ESR2: variants seen among roughly 807,000 people sequenced by gnomAD.
The protein encoded by ESR2 is estrogen receptor 2.
Under a neutral mutation model 49.6 loss-of-function variants are expected in ESR2, and 36 were observed. The ratio of observed to expected loss-of-function variants is 0.73; its 90% CI spans 0.56 to 0.96. The LOEUF (loss-of-function observed/expected upper bound fraction) is 0.96, where lower values mean the gene tolerates loss of function less well. Among genes scored for constraint, ESR2 ranks in the 40% least tolerant of loss-of-function variants. The probability of loss-of-function intolerance (pLI) is 0.00; values close to 1 mark genes in which losing one functional copy is unlikely to be tolerated. For missense variants in ESR2, 714 were observed against 693.0 expected (o/e 1.03, Z -0.34); for synonymous variants, 320 against 266.1 (o/e 1.20, Z -1.97).
chr14:64,234,855 C>G, intron 8 of ESR2, 115 bp downstream of exon 8: 1 of 1,513,040 alleles, frequency 6.6e-7, no homozygotes, highest in African/African-American at 1.4e-5. Context: ...TCCCCATTCC[C>G]TTTCAGGCAT....
In ESR2 at chr14:64,268,827, C is replaced by T. The variant is rs368924653; in HGVS notation, c.620G>A (p.Arg207Gln). The change falls in exon 4 of 9, where the codon CGG (arginine) becomes CAG (glutamine). Residue 207 changes from arginine to glutamine, a missense_variant. Coordinates refer to ENST00000341099, the MANE Select transcript of ESR2 (RefSeq NM_001437.3). ...RRKSCQACRL[R>Q]KCYEVGMVKC... ...CACCATTCCCACTTCGTAACACTTC[C>T]GAAGTCGGCAGGCCTGGCAGCTCTT... is the stretch of plus-strand genomic sequence containing the variant. 4.1e-5 allele frequency: 66 copies of T among 1,613,408 alleles called. 1 individual carries two copies. The highest frequency in any genetic ancestry group is 3.1e-4 in the South Asian group (28 of 91,052).
intron 1 of ESR2, among the ~76,000 whole-genome samples, chr14:64,309,607 C>CAAAAAAAAAAAAAAAAAA (rs545143689): frequency 7.8e-4 from 98 of 125,748 alleles, no homozygotes; most frequent in African/African-American, 1.6e-3. Flanking sequence ...AACTCCATCT[C>CAAAAAAAAAAAAAAAAAA]AAAAAAAAAA....
chr14:64,320,174 T>C (rs1391344768), intron 1 of ESR2, among the ~76,000 whole-genome samples: 1 of 152,158 alleles, frequency 6.6e-6, no homozygotes, highest in Non-Finnish European at 1.5e-5. Context: ...GAGAAAACTT[T>C]AATGCATATT....
chr14:64,249,187 A>T (rs776929292), intron 7 of ESR2, among the ~76,000 whole-genome samples: 6 of 152,228 alleles, frequency 3.9e-5, no homozygotes, highest in Non-Finnish European at 7.3e-5. Flanking sequence ...TGAATCTGTA[A>T]AAAAGGAGGA....
chr14:64,302,406 C>T (rs1391831698), intron 1 of ESR2, among the ~76,000 whole-genome samples: 3 of 151,794 alleles, frequency 2.0e-5, no homozygotes, highest in African/African-American at 7.3e-5. Flanking sequence ...CCAGGATGGT[C>T]TCAATCTCTT....
intron 8 of ESR2, 117 bp from the exon 9 acceptor site, chr14:64,233,440 C>T (rs1037036396): frequency 2.1e-6 from 2 of 947,328 alleles, no homozygotes; most frequent in East Asian, 2.5e-5. Context: ...ACCCACTCTT[C>T]CCCCAGCCCA....
At chr14:64,233,360 G>A (rs763349181) in intron 8 of ESR2, 37 bp from the exon 9 acceptor site, 28 of 1,587,210 alleles carry the variant, frequency 1.8e-5, no homozygotes, top group Admixed American at 1.3e-4. Flanking sequence ...TCCCTCCTCC[G>A]AGGCAGCCAC....
chr14:64,269,480 T>C (rs538920978), intron 3 of ESR2, among the ~76,000 whole-genome samples: 6 of 152,234 alleles, frequency 3.9e-5, no homozygotes, highest in African/African-American at 7.2e-5. Context: ...TGCAGTGTAC[T>C]AGAGTGCGCA....
chr14:64,280,225 T>G, intron 2 of ESR2, 72 bp from the exon 3 acceptor site: 1 of 905,914 alleles, frequency 1.1e-6, no homozygotes, highest in Non-Finnish European at 1.7e-6. Flanking sequence ...GAAAAAAAAA[T>G]AGCATGAACA....
At chr14:64,311,378 G>A (rs1434225663) in intron 1 of ESR2, among the ~76,000 whole-genome samples, 4 of 152,022 alleles carry the variant, frequency 2.6e-5, no homozygotes, top group East Asian at 3.8e-4. Context: ...GGTGGTTCAC[G>A]CCTGTAATCC....
upstream of ESR2, among the ~76,000 whole-genome samples, chr14:64,295,198 A>ACCC (rs200620441): frequency 6.1e-5 from 9 of 148,374 alleles, no homozygotes; most frequent in South Asian, 2.1e-4. Context: ...CCATTGTGAG[A>ACCC]ACCCCCCAGT....
At chr14:64,315,266 A>G (rs1463176369) in intron 1 of ESR2, among the ~76,000 whole-genome samples, 2 of 149,712 alleles carry the variant, frequency 1.3e-5, no homozygotes, top group Non-Finnish European at 3.0e-5. Context: ...AAAAAAAAAA[A>G]GGAGAGAGAG....
chr14:64,280,779 G>A (rs2140812070), intron 2 of ESR2, among the ~76,000 whole-genome samples: 1 of 152,352 alleles, frequency 6.6e-6, no homozygotes, highest in South Asian at 2.1e-4. Context: ...GGGAGCCAAG[G>A]TGGGCGTATC....
intron 6 of ESR2, among the ~76,000 whole-genome samples, chr14:64,257,017 C>T (rs1161234380): frequency 1.3e-5 from 2 of 152,076 alleles, no homozygotes; most frequent in African/African-American, 2.4e-5. Context: ...GCTGCTGCAC[C>T]ACAGATTAAA....
At position 64,252,957 on chromosome 14, in the gene ESR2, G is replaced by A. The variant is rs573325455; in HGVS notation, c.1092-3278C>T. On this transcript the variant is annotated intron_variant, in intron 6 of 8. Coordinates refer to ENST00000341099, the MANE Select transcript of ESR2 (RefSeq NM_001437.3). ...TGCAACCTCCTCCTCCTAGGTTCAA[G>A]TGATTCTCCTGCCTCAGCCTCCCAT... Among the ~76,000 whole-genome samples the A allele has an allele frequency of 6.1e-3, 921 of 152,146 alleles. 8 individuals carry two copies. Among genetic ancestry groups the A allele is most frequent in the African/African-American group, 0.02 (846 of 41,512 alleles).
intron 1 of ESR2, among the ~76,000 whole-genome samples, chr14:64,326,547 T>C (rs1408985499): frequency 2.0e-5 from 3 of 152,180 alleles, no homozygotes; most frequent in African/African-American, 7.2e-5. Flanking sequence ...TATTCATATC[T>C]CTTTCTAATT....
chr14:64,313,545 A>AAC (rs2077209342), intron 1 of ESR2, among the ~76,000 whole-genome samples: 1 of 148,088 alleles, frequency 6.8e-6, no homozygotes, highest in East Asian at 1.9e-4. Flanking sequence ...AAAAAAAAAA[A>AAC]GAAAAGAAAA....
rs149138802 is a variant in ESR2, at chr14:64,289,790, T to C, written c.-91+4243A>G. ...GCCAACACTGTGTGTGTGGACAAAA[T>C]GCCACATATTCCTGATGCCATATTC... is the stretch of plus-strand genomic sequence containing the variant. On this transcript the variant is annotated intron_variant, in intron 1 of 8. Coordinates refer to ENST00000341099, the MANE Select transcript of ESR2 (RefSeq NM_001437.3). Among the ~76,000 whole-genome samples, 859 of 152,276 alleles carry C rather than the reference T, an allele frequency of 5.6e-3. 12 individuals are homozygous for C. Among genetic ancestry groups the C allele is most frequent in the African/African-American group, 0.02 (827 of 41,548 alleles).
rs752711685 is a variant in ESR2, at chr14:64,253,560, TTGTGTGTGTGTGTGTGTGTGTGTGTG to T, written c.1091+3640_1091+3665del. Among the ~76,000 whole-genome samples the T allele has an allele frequency of 3.8e-3, 523 of 136,640 alleles. 1 individual carries two copies. The highest frequency in any genetic ancestry group is 0.014 in the African/African-American group (491 of 35,762). The allele number at this position is 136,640 out of a possible 152,430, so 89.6% of individuals were successfully genotyped here. A position where few individuals can be genotyped will look rare whatever the true frequency, so the allele number is the denominator to read the frequency against. On this transcript the variant is annotated intron_variant, in intron 6 of 8. Coordinates refer to ENST00000341099, the MANE Select transcript of ESR2 (RefSeq NM_001437.3). ...TGGGCCTCCCTTAGGGGTACACTATTTGTGTGTGTGTGTGTGTGTGTGTGTGTGTGTGTGTGTGTGTGTGTATGTAT... is the reference window on the plus strand; with the variant it reads ...TGGGCCTCCCTTAGGGGTACACTATTTGTGTGTGTGTGTGTGTGTATGTAT...
Sources: allele counts gnomAD v4.1 joint callset (sites outside exome capture counted in the v4.1 genomes callset), GRCh38; gene constraint gnomAD v4.1.1; transcripts MANE v1.5; gene names NCBI Gene and HGNC (gene_info 2026-07-23, HGNC 2026-07-21).